The following PAX5 variants were observed in gnomAD, a reference collection of about 807,000 sequenced individuals.
The protein encoded by PAX5 is paired box protein Pax-5.
PAX5 carries 9 observed loss-of-function variants against 43.7 expected under a neutral mutation model. That is an observed-to-expected ratio of 0.21 (90% CI 0.12 to 0.36). The LOEUF (loss-of-function observed/expected upper bound fraction) is 0.36. PAX5 is among the 10% of genes least tolerant of loss of function. The pLI is 1.00. For missense variants in PAX5, 383 were observed against 532.7 expected (o/e 0.72, Z 2.77); for synonymous variants, 228 against 214.3 (o/e 1.06, Z -0.56).
chr9:36,844,396 G>A (rs1319967414), intron 9 of PAX5, among the ~76,000 whole-genome samples: 1 of 152,178 alleles, frequency 6.6e-6, no homozygotes, highest in Non-Finnish European at 1.5e-5. Flanking sequence ...TCACCTTTCT[G>A]AGCCTCATTG....
In PAX5 at chr9:36,884,894, G is replaced by A. The variant is rs181139823; in HGVS notation, c.911-2789C>T. Among the ~76,000 whole-genome samples the A allele has an allele frequency of 2.8e-3, 420 of 152,314 alleles. 1 individual carries two copies. Among genetic ancestry groups the A allele is most frequent in the African/African-American group, 9.4e-3 (392 of 41,562 alleles). Reference sequence around the variant, plus strand: ...TCCCCCTCTCCCAGCCCACCAGGATGGCAGTATGTGCTCAGAGGAGCTGGC... The same window carrying A: ...TCCCCCTCTCCCAGCCCACCAGGATAGCAGTATGTGCTCAGAGGAGCTGGC... On this transcript the variant is annotated intron_variant, in intron 7 of 9. Coordinates refer to ENST00000358127, the MANE Select transcript of PAX5 (RefSeq NM_016734.3).
At chr9:37,028,909 T>C (rs753837576) in intron 1 of PAX5, among the ~76,000 whole-genome samples, 6 of 152,194 alleles carry the variant, frequency 3.9e-5, no homozygotes, top group Non-Finnish European at 5.9e-5. Flanking sequence ...CGCTTCTTTG[T>C]GGGTTTTAAG....
intron 1 of PAX5, among the ~76,000 whole-genome samples, chr9:37,029,767 A>G (rs1488908282): frequency 6.6e-6 from 1 of 152,204 alleles, no homozygotes; most frequent in Non-Finnish European, 1.5e-5. Context: ...GCTCAGGCCT[A>G]CAAACCCAGG....
intron 7 of PAX5, among the ~76,000 whole-genome samples, chr9:36,903,213 G>C (rs532899624): frequency 6.6e-6 from 1 of 152,310 alleles, no homozygotes; most frequent in East Asian, 1.9e-4. Flanking sequence ...CCAGACCAAG[G>C]AAGGAGGAAG....
intron 8 of PAX5, among the ~76,000 whole-genome samples, chr9:36,852,851 C>G (rs533907277): frequency 2.0e-5 from 3 of 152,348 alleles, no homozygotes; most frequent in East Asian, 1.9e-4. Context: ...CAGTCAGGAA[C>G]AGAGCAGGGC....
At chr9:36,912,218 G>A (rs1162821796) in intron 7 of PAX5, among the ~76,000 whole-genome samples, 1 of 152,234 alleles carries the variant, frequency 6.6e-6, no homozygotes, top group East Asian at 1.9e-4. Flanking sequence ...AAGGGACTCT[G>A]GACAAGAGCC....
chr9:37,007,242 C>G (rs4878672), intron 3 of PAX5, among the ~76,000 whole-genome samples: 104,022 of 152,138 alleles, frequency 0.68, 36,523 homozygotes, highest in African/African-American at 0.84. Flanking sequence ...CACTCTAATA[C>G]AAATTCCACT....
rs1824969868 is a variant in PAX5 at position 36,867,100 on chromosome 9, A to G, written c.1012+14904T>C. Among the ~76,000 whole-genome samples, 11 of 151,042 alleles carry G rather than the reference A, an allele frequency of 7.3e-5. 1 individual carries two copies. The South Asian group carries it at 2.3e-3, about 32-fold the overall frequency. Reference sequence around the variant, plus strand: ...GGTTGGTCTCCTGCTTCCCAAGGCTAGATTCCAATTTCTTTGCATTTGTTT... The same window carrying G: ...GGTTGGTCTCCTGCTTCCCAAGGCTGGATTCCAATTTCTTTGCATTTGTTT... On this transcript the variant is annotated intron_variant, in intron 8 of 9. Transcript: ENST00000358127.
At chr9:36,874,502 C>T (rs920774105) in intron 8 of PAX5, among the ~76,000 whole-genome samples, 2 of 152,198 alleles carry the variant, frequency 1.3e-5, no homozygotes, top group Non-Finnish European at 2.9e-5. Flanking sequence ...CCTGGGAACC[C>T]ACACCAGCCA....
chr9:36,860,478 C>T (rs553366899), intron 8 of PAX5, among the ~76,000 whole-genome samples: 9 of 152,216 alleles, frequency 5.9e-5, no homozygotes, highest in Admixed American at 3.3e-4. Flanking sequence ...CGCCAATGTA[C>T]AGCAAGTTTG....
Position 36,984,435 on chromosome 9 carries a change from C to CTTTTTTTTTTTTTTTTTTT in PAX5, c.605-17730_605-17712dup, listed in dbSNP as rs10663927. Among the ~76,000 whole-genome samples the CTTTTTTTTTTTTTTTTTTT allele has an allele frequency of 1.2e-4, 8 of 66,882 alleles. 2 individuals carry two copies. Among genetic ancestry groups the CTTTTTTTTTTTTTTTTTTT allele is most frequent in the East Asian group, 9.8e-4 (2 of 2,050 alleles). The allele number at this position is 66,882 out of a possible 152,430, so 43.9% of individuals were successfully genotyped here. A position where few individuals can be genotyped will look rare whatever the true frequency, so the allele number is the denominator to read the frequency against. On this transcript the variant is annotated intron_variant, in intron 5 of 9. Transcript: ENST00000358127. ...GCCCTGGATTGGTTATTGAACCTCT[C>CTTTTTTTTTTTTTTTTTTT]TTTTTTTTTTTTTTTTTTTTTTGAG...
chr9:36,965,091 T>A (rs1834303118), intron 6 of PAX5, among the ~76,000 whole-genome samples: 1 of 151,822 alleles, frequency 6.6e-6, no homozygotes, highest in Admixed American at 6.6e-5. Flanking sequence ...ACTCAACCCC[T>A]TCAGGCTCAG....
chr9:36,943,529 T>TTCACACAC (rs35815065), intron 6 of PAX5, among the ~76,000 whole-genome samples: 8,365 of 145,882 alleles, frequency 0.057, 388 homozygotes, highest in Admixed American at 0.096. Context: ...TAGTTCAACA[T>TTCACACAC]ACACACACAC....
intron 6 of PAX5, among the ~76,000 whole-genome samples, chr9:36,928,746 G>T (rs144571570): frequency 6.6e-6 from 1 of 152,104 alleles, no homozygotes; most frequent in African/African-American, 2.4e-5. Context: ...GCCCCTGGGT[G>T]GTGCTTTCAC....
At chr9:36,872,278 G>C (rs893502034) in intron 8 of PAX5, among the ~76,000 whole-genome samples, 8 of 152,180 alleles carry the variant, frequency 5.3e-5, no homozygotes, top group African/African-American at 1.9e-4. Flanking sequence ...ATTATTCACA[G>C]CCCCAGATCT....
chr9:36,990,920 GACA>G (rs1167664604), intron 5 of PAX5, among the ~76,000 whole-genome samples: 1 of 152,148 alleles, frequency 6.6e-6, no homozygotes, highest in Non-Finnish European at 1.5e-5. Flanking sequence ...GACCAGCCTG[GACA>G]ACATGGTGAA....
At chr9:37,023,594 G>T (rs1324588259) in intron 1 of PAX5, among the ~76,000 whole-genome samples, 3 of 152,194 alleles carry the variant, frequency 2.0e-5, no homozygotes, top group Non-Finnish European at 2.9e-5. Context: ...AGGCCTTTGT[G>T]ACTCTGGTAT....
intron 7 of PAX5, among the ~76,000 whole-genome samples, chr9:36,894,929 T>A (rs1386693550): frequency 6.6e-6 from 1 of 152,210 alleles, no homozygotes; most frequent in Admixed American, 6.5e-5. Flanking sequence ...TTACCAGCCG[T>A]GTGACCTTGG....
At chr9:36,973,411 G>A (rs1835145721) in intron 5 of PAX5, among the ~76,000 whole-genome samples, 2 of 152,270 alleles carry the variant, frequency 1.3e-5, no homozygotes, top group Admixed American at 1.3e-4. Flanking sequence ...GGGGTGACTG[G>A]CAAGATGAAA....
Sources: allele counts gnomAD v4.1 joint callset (sites outside exome capture counted in the v4.1 genomes callset), GRCh38; gene constraint gnomAD v4.1.1; transcripts MANE v1.5; gene names NCBI Gene and HGNC (gene_info 2026-07-23, HGNC 2026-07-21).